TENM3: variants seen among roughly 807,000 people sequenced by gnomAD.
TENM3 encodes teneurin transmembrane protein 3.
Under a neutral mutation model 255.1 loss-of-function variants are expected in TENM3, and 63 were observed. The ratio of observed to expected loss-of-function variants is 0.25; its 90% CI spans 0.20 to 0.30. The LOEUF is 0.30. Ranked by LOEUF, TENM3 falls within the 10% of genes least tolerant of loss-of-function variation. The pLI, the probability that TENM3 is intolerant of heterozygous loss-of-function variation, is 1.00. For synonymous variants in TENM3, 1,306 were observed against 1,322.3 expected (o/e 0.99, Z 0.27); for missense variants, 2,929 against 3,461.1 (o/e 0.85, Z 3.86).
chr4:182,224,737 C>CTT (rs112818920), intron 1 of TENM3, among the ~76,000 whole-genome samples: 17 of 137,474 alleles, frequency 1.2e-4, no homozygotes, highest in East Asian at 2.1e-4. Context: ...AGTCAGATAT[C>CTT]TTTTTTTTTT....
the TENM3 span, among the ~76,000 whole-genome samples, chr4:181,536,053 G>A: frequency 6.6e-6 from 1 of 152,138 alleles, no homozygotes; most frequent in African/African-American, 2.4e-5. Context: ...CCCCGCACCT[G>A]TATATTTTAT....
At chr4:182,106,020 G>A in the TENM3 span, among the ~76,000 whole-genome samples, 3 of 152,258 alleles carry the variant, frequency 2.0e-5, no homozygotes, top group South Asian at 4.1e-4. Context: ...GTTGGGCTTC[G>A]GGATGGCTAG....
chr4:182,091,151 A>T, the TENM3 span, among the ~76,000 whole-genome samples: 1 of 152,230 alleles, frequency 6.6e-6, no homozygotes, highest in Non-Finnish European at 1.5e-5. Context: ...CCTCTCAATA[A>T]AAAGAAAGGC....
chr4:182,527,388 G>A (rs1052726478), intron 3 of TENM3, among the ~76,000 whole-genome samples: 2 of 151,678 alleles, frequency 1.3e-5, no homozygotes, highest in Non-Finnish European at 2.9e-5. Context: ...CAGAAGAATC[G>A]TTAGACTTTA....
intron 15 of TENM3, 74 bp from the exon 16 acceptor site, chr4:182,730,804 T>A: frequency 6.7e-7 from 1 of 1,481,838 alleles, no homozygotes. Flanking sequence ...TAAAGCATAT[T>A]AACTTAAGGA....
At chr4:182,537,674 C>T (rs564696270) in intron 3 of TENM3, among the ~76,000 whole-genome samples, 161 of 152,314 alleles carry the variant, frequency 1.1e-3, no homozygotes, top group African/African-American at 3.5e-3. Context: ...TGCATAATCT[C>T]ATTGCCTCTA....
At chr4:182,166,901 A>G (rs150436274) in intron 1 of TENM3, among the ~76,000 whole-genome samples, 130 of 152,188 alleles carry the variant, frequency 8.5e-4, no homozygotes, top group Non-Finnish European at 1.6e-3. Flanking sequence ...GACTTAGAAT[A>G]TCATAAAGGT....
the TENM3 span, among the ~76,000 whole-genome samples, chr4:181,479,344 G>A: frequency 2.0e-5 from 3 of 152,118 alleles, no homozygotes; most frequent in Non-Finnish European, 4.4e-5. Context: ...AATTGCCTAC[G>A]CATCACAAAG....
At chr4:181,669,576 C>T in the TENM3 span, among the ~76,000 whole-genome samples, 1 of 152,110 alleles carries the variant, frequency 6.6e-6, no homozygotes, top group Non-Finnish European at 1.5e-5. Flanking sequence ...TTCTTCCCTC[C>T]TCGGTAATTT....
chr4:182,769,870 C>T (rs371855973), intron 22 of TENM3, among the ~76,000 whole-genome samples: 34 of 152,032 alleles, frequency 2.2e-4, no homozygotes, highest in African/African-American at 7.0e-4. Context: ...TTTAGGAGGC[C>T]GAGGCAGGTG....
chr4:182,154,835 G>A (rs1185657020), intron 1 of TENM3, among the ~76,000 whole-genome samples: 1 of 152,200 alleles, frequency 6.6e-6, no homozygotes, highest in African/African-American at 2.4e-5. Flanking sequence ...GTATGTAATA[G>A]TGAGCATATT....
At chr4:182,744,093 C>CTTTTTT (rs957977132) in intron 19 of TENM3, 345 of 451,076 alleles carry the variant, frequency 7.6e-4, no homozygotes, top group East Asian at 9.0e-4. Flanking sequence ...ACTGTGCTTT[C>CTTTTTT]TTTTTTTTTT....
chr4:182,075,287 C>T, the TENM3 span, among the ~76,000 whole-genome samples: 1 of 151,124 alleles, frequency 6.6e-6, no homozygotes, highest in Non-Finnish European at 1.5e-5. Context: ...CAACCTCTGC[C>T]TCCTGGGTTC....
the TENM3 span, among the ~76,000 whole-genome samples, chr4:181,786,792 G>A: frequency 3.9e-5 from 6 of 151,994 alleles, no homozygotes; most frequent in Admixed American, 3.9e-4. Context: ...ACAAGGCAAT[G>A]GTCAGGGATC....
chr4:181,922,306 A>G, the TENM3 span, among the ~76,000 whole-genome samples: 1 of 152,186 alleles, frequency 6.6e-6, no homozygotes, highest in Non-Finnish European at 1.5e-5. Flanking sequence ...TTCAGAAGGA[A>G]TGGTACCAAT....
the TENM3 span, among the ~76,000 whole-genome samples, chr4:181,469,318 A>C: frequency 1.3e-5 from 2 of 152,172 alleles, no homozygotes; most frequent in Non-Finnish European, 2.9e-5. Flanking sequence ...ATATATCTAT[A>C]TACATCTCCC....
At chr4:181,712,039 T>G in the TENM3 span, among the ~76,000 whole-genome samples, 1 of 152,170 alleles carries the variant, frequency 6.6e-6, no homozygotes, top group South Asian at 2.1e-4. Flanking sequence ...AAATTCCCCA[T>G]TTTTAGCTTT....
chr4:182,312,543 G>T (rs1762518069), intron 1 of TENM3, among the ~76,000 whole-genome samples: 1 of 152,174 alleles, frequency 6.6e-6, no homozygotes. Flanking sequence ...TACCTAGTGT[G>T]TTTGAGGCCA....
intron 12 of TENM3, among the ~76,000 whole-genome samples, chr4:182,689,519 CAAG>C (rs1429842239): frequency 2.0e-5 from 3 of 152,270 alleles, no homozygotes; most frequent in East Asian, 3.9e-4. Context: ...TGGTGATCTT[CAAG>C]AAGAACTCAG....
Sources: gnomAD v4.1 joint callset for allele counts (sites outside exome capture counted in the v4.1 genomes callset) on GRCh38, gnomAD v4.1.1 for gene constraint, MANE v1.5 for transcripts, NCBI Gene and HGNC (gene_info 2026-07-23, HGNC 2026-07-21) for gene names.